The following PIK3CG variants were observed in gnomAD, a reference collection of about 807,000 sequenced individuals.
PIK3CG encodes the protein phosphatidylinositol 4,5-bisphosphate 3-kinase catalytic subunit gamma isoform.
A neutral mutation model predicts 102.3 loss-of-function variants in PIK3CG; 55 were observed. The observed-to-expected ratio is 0.54, with a 90% CI of 0.43 to 0.67. PIK3CG has a LOEUF of 0.67. Ranked by LOEUF, PIK3CG falls within the 30% of genes least tolerant of loss-of-function variation. PIK3CG has a pLI of 0.00. For synonymous variants in PIK3CG, 552 were observed against 540.0 expected (o/e 1.02, Z -0.31); for missense variants, 1,258 against 1,391.8 (o/e 0.90, Z 1.53).
Position 106,879,456 on chromosome 7 carries a change from T to C in PIK3CG, c.2392-63T>C. On this transcript the variant is annotated intron_variant, in intron 5 of 10. Coordinates refer to ENST00000496166, the MANE Select transcript of PIK3CG (RefSeq NM_001282426.2). This position sits in a 1 kb window ranked among gnomAD's most constrained non-coding sequence, Gnocchi z 4.9. ...TAGTGATGTTTTGCAAGAGAATTTG[T>C]GTCTCCACCATGTATATTCGTTATT... 3.1e-6 allele frequency: 4 copies of C among 1,295,342 alleles called. No individual in the cohort carries two copies. The highest frequency in any genetic ancestry group is 4.5e-6 in the Non-Finnish European group (4 of 896,398). 80.2% of individuals were successfully genotyped at this position (1,295,342 alleles called of 1,614,324 possible). A position where few individuals can be genotyped will look rare whatever the true frequency, so the allele number is the denominator to read the frequency against.
intron 5 of PIK3CG, among the ~76,000 whole-genome samples, chr7:106,876,761 C>T (rs1790760648): frequency 6.6e-6 from 1 of 152,098 alleles, no homozygotes. Context: ...ATCAGATATA[C>T]ATTTTACAGA....
At chr7:106,887,820 C>A (rs894458033) in intron 10 of PIK3CG, among the ~76,000 whole-genome samples, 2 of 152,020 alleles carry the variant, frequency 1.3e-5, no homozygotes, top group Admixed American at 6.6e-5. Context: ...TGTCTTCTCT[C>A]CTGTCAGCGG....
Position 106,890,568 on chromosome 7 carries a change from A to T in PIK3CG, c.3030+4276A>T, listed in dbSNP as rs931854570. 6.6e-6 allele frequency among the ~76,000 whole-genome samples: 1 copy of T among 152,262 alleles called. No homozygotes were observed. Among genetic ancestry groups the T allele is most frequent in the African/African-American group, 2.4e-5 (1 of 41,472 alleles). ...AGCAAAATATTGAAAATACCAAAAGACATAAAAATTCATTATCCTGCTTTC... is the reference window on the plus strand; with the variant it reads ...AGCAAAATATTGAAAATACCAAAAGTCATAAAAATTCATTATCCTGCTTTC... On this transcript the variant is annotated intron_variant, in intron 10 of 10. Transcript: ENST00000496166. The surrounding 1 kb of genome is among the most constrained non-coding windows in gnomAD (Gnocchi z 4.2).
intron 10 of PIK3CG, among the ~76,000 whole-genome samples, chr7:106,901,533 G>A (rs1401278190): frequency 6.6e-6 from 1 of 152,046 alleles, no homozygotes; most frequent in Non-Finnish European, 1.5e-5. Context: ...CTTTGTTCCT[G>A]TCCATATTCT....
chr7:106,872,968 T>C lies in PIK3CG; in HGVS notation c.2287+30T>C, dbSNP rs1163556088. ...GGTGGCTATATTTTCTGTGTTCTCTTTCCAAATGCCTTCATCTCCAAATGC... is the reference window on the plus strand; with the variant it reads ...GGTGGCTATATTTTCTGTGTTCTCTCTCCAAATGCCTTCATCTCCAAATGC... On this transcript the variant is annotated intron_variant, in intron 4 of 10. Transcript: ENST00000496166. This position sits in a 1 kb window ranked among gnomAD's most constrained non-coding sequence, Gnocchi z 5.3. The C allele has an allele frequency of 6.9e-7, 1 of 1,444,280 alleles. No individual in the cohort carries two copies. Among genetic ancestry groups the C allele is most frequent in the Non-Finnish European group, 9.7e-7 (1 of 1,026,668 alleles). The allele number at this position is 1,444,280 out of a possible 1,614,324, so 89.5% of individuals were successfully genotyped here.
chr7:106,869,635 G>T lies in PIK3CG; in HGVS notation c.1995+79G>T. On this transcript the variant is annotated intron_variant, in intron 2 of 10. Transcript: ENST00000496166. This position sits in a 1 kb window ranked among gnomAD's most constrained non-coding sequence, Gnocchi z 5.3. The stretch of plus-strand genomic sequence containing the variant: ...ATATGCACAGGCACTCCATTCAGTT[G>T]TCATCAAATGCCCTTTGTTCAGAGC... The T allele has an allele frequency of 8.7e-7, 1 of 1,155,390 alleles. No individual in the cohort carries two copies. The highest frequency in any genetic ancestry group is 1.2e-6 in the Non-Finnish European group (1 of 825,202). 71.6% of individuals were successfully genotyped at this position (1,155,390 alleles called of 1,614,324 possible). A position where few individuals can be genotyped will look rare whatever the true frequency, so the allele number is the denominator to read the frequency against.
chr7:106,887,948 T>C (rs1259074043), intron 10 of PIK3CG, among the ~76,000 whole-genome samples: 1 of 139,220 alleles, frequency 7.2e-6, no homozygotes, highest in Non-Finnish European at 1.6e-5. Flanking sequence ...TTTTTTTTTT[T>C]TTTTTTTTTT....
chr7:106,875,925 T>TTTTTGGCG (rs1790719794), intron 5 of PIK3CG, among the ~76,000 whole-genome samples: 1 of 149,312 alleles, frequency 6.7e-6, no homozygotes. Flanking sequence ...TTTTTTTTTT[T>TTTTTGGCG]GAGACGGAGT....
At position 106,906,588 on chromosome 7, in the gene PIK3CG, C is replaced by A. The variant is rs897915549; in HGVS notation, c.*1201C>A. 5.2e-5 allele frequency: 12 copies of A among 229,262 alleles called. No individual in the cohort carries two copies. The highest frequency in any genetic ancestry group is 1.3e-3 in the Middle Eastern group (1 of 784). 14.2% of individuals were successfully genotyped at this position (229,262 alleles called of 1,614,324 possible). A position where few individuals can be genotyped will look rare whatever the true frequency, so the allele number is the denominator to read the frequency against. On this transcript the variant is annotated 3_prime_UTR_variant, in exon 11 of 11. Transcript: ENST00000496166. ...GATTTCCTGAAAATAATTGAAATAT[C>A]TTACTTTAAAAATATTTTCATCTCT...
chr7:106,880,247 T>C lies in PIK3CG; in HGVS notation c.2538+582T>C, dbSNP rs942386903. Among the ~76,000 whole-genome samples the C allele has an allele frequency of 1.3e-5, 2 of 152,252 alleles. No individual in the cohort carries two copies. Among genetic ancestry groups the C allele is most frequent in the African/African-American group, 4.8e-5 (2 of 41,470 alleles). ...TAGATAAACTTTAGCTTCACAAGTCTGTAAAGTAATATTCTCCAGATTCTA... is the reference window on the plus strand; with the variant it reads ...TAGATAAACTTTAGCTTCACAAGTCCGTAAAGTAATATTCTCCAGATTCTA... On this transcript the variant is annotated intron_variant, in intron 6 of 10. Transcript: ENST00000496166. This position sits in a 1 kb window ranked among gnomAD's most constrained non-coding sequence, Gnocchi z 4.2.
Position 106,872,794 on chromosome 7 carries a change from G to C in PIK3CG, c.2143G>C (p.Val715Leu), listed in dbSNP as rs1274418045. 8 of 1,614,188 alleles carry C rather than the reference G, an allele frequency of 5.0e-6. No homozygotes were observed. In the Admixed American group the frequency reaches 1.2e-4, roughly 24 times the overall value. Residue 715 changes from valine to leucine, a missense_variant, in exon 4 of 11, where the codon GTG becomes CTG. By Grantham distance (32) the Val-to-Leu change is conservative. Transcript: ENST00000496166. This position sits in a 1 kb window ranked among gnomAD's most constrained non-coding sequence, Gnocchi z 5.3. ...CAGACACTATCAGCAGAGGTTCGCT[G>C]TGATTCTGGAAGCCTATCTGAGGGG... ...QSRHYQQRFA[V>L]ILEAYLRGCG...
At position 106,874,821 on chromosome 7, in the gene PIK3CG, G is replaced by C. The variant is rs1437155201; in HGVS notation, c.2391+18G>C. 1.4e-6 allele frequency: 2 copies of C among 1,476,558 alleles called. No homozygotes were observed. The highest frequency in any genetic ancestry group is 1.1e-5 in the South Asian group (1 of 88,048). 91.5% of individuals were successfully genotyped at this position (1,476,558 alleles called of 1,614,324 possible). A position where few individuals can be genotyped will look rare whatever the true frequency, so the allele number is the denominator to read the frequency against. Reference sequence around the variant, plus strand: ...CGCTGGCAGTAGGTATCACTTGGATGTCTCCATGTGGTCTTTATGTCTTGA... The same window carrying C: ...CGCTGGCAGTAGGTATCACTTGGATCTCTCCATGTGGTCTTTATGTCTTGA... On this transcript the variant is annotated intron_variant, in intron 5 of 10. Coordinates refer to ENST00000496166, the MANE Select transcript of PIK3CG (RefSeq NM_001282426.2). The surrounding 1 kb of genome is among the most constrained non-coding windows in gnomAD (Gnocchi z 4.3).
intron 1 of PIK3CG, chr7:106,865,849 CT>C (rs1790261938): frequency 6.6e-6 from 1 of 152,142 alleles, no homozygotes; most frequent in Non-Finnish European, 1.5e-5. Context: ...GAAGTTATTG[CT>C]GTGTATTTAT....
At chr7:106,878,168 T>C (rs1364204791) in intron 5 of PIK3CG, among the ~76,000 whole-genome samples, 3 of 152,236 alleles carry the variant, frequency 2.0e-5, no homozygotes, top group Non-Finnish European at 4.4e-5. Flanking sequence ...GAATTCTAGA[T>C]TGACTGGTTT....
rs28763992 is a variant in PIK3CG at position 106,884,301 on chromosome 7, T to C, written c.2872+35T>C. Reference sequence around the variant, plus strand: ...TTTAGTGCAGAATAAACTTTTATTGTGGTAAAATATATATAACATAACATT... The same window carrying C: ...TTTAGTGCAGAATAAACTTTTATTGCGGTAAAATATATATAACATAACATT... On this transcript the variant is annotated intron_variant, in intron 9 of 10. Transcript: ENST00000496166. This position sits in a 1 kb window ranked among gnomAD's most constrained non-coding sequence, Gnocchi z 4.2. The C allele has an allele frequency of 1.3e-4, 165 of 1,290,616 alleles. 1 individual carries two copies. In the East Asian group the frequency reaches 3.4e-3, roughly 26 times the overall value. 79.9% of individuals were successfully genotyped at this position (1,290,616 alleles called of 1,614,324 possible).
intron 10 of PIK3CG, among the ~76,000 whole-genome samples, chr7:106,889,630 G>T (rs946500273): frequency 6.6e-6 from 1 of 152,200 alleles, no homozygotes; most frequent in Non-Finnish European, 1.5e-5. Context: ...TGAATAACCT[G>T]TTAGGAACAA....
In PIK3CG at chr7:106,868,571, A is replaced by C. The variant is rs768174679; in HGVS notation, c.1010A>C (p.Glu337Ala). ...DDCTGVTGYH[E>A]QLTIHGKDHE... Reference sequence around the variant, plus strand: ...TGCACGGGAGTCACCGGCTACCATGAGCAGCTTACCATCCACGGCAAGGAC... The same window carrying C: ...TGCACGGGAGTCACCGGCTACCATGCGCAGCTTACCATCCACGGCAAGGAC... The change falls in exon 2 of 11, where the codon GAG becomes GCG. Residue 337 changes from glutamate (E) to alanine (A), a missense_variant. Transcript: ENST00000496166. The surrounding 1 kb of genome is among the most constrained non-coding windows in gnomAD (Gnocchi z 6.2). 1.7e-5 allele frequency: 28 copies of C among 1,614,056 alleles called. No homozygotes were observed. The South Asian group carries it at 3.1e-4, about 18-fold the overall frequency.
rs1000309944 is a variant in PIK3CG, at chr7:106,872,203, T to C, written c.1996-334T>C. On this transcript the variant is annotated intron_variant, in intron 2 of 10. Transcript: ENST00000496166. The surrounding 1 kb of genome is among the most constrained non-coding windows in gnomAD (Gnocchi z 5.3). ...GGTTACAGTGTCTCCATCTTCCCCC[T>C]CTACCCCTCCAACAAAACCAGTAAG... 1.3e-5 allele frequency among the ~76,000 whole-genome samples: 2 copies of C among 152,178 alleles called. No individual in the cohort carries two copies. The highest frequency in any genetic ancestry group is 2.9e-5 in the Non-Finnish European group (2 of 68,030).
chr7:106,884,073 TTC>T lies in PIK3CG; in HGVS notation c.2761-78_2761-77del. The T allele has an allele frequency of 9.3e-7, 1 of 1,073,008 alleles. No homozygotes were observed. The highest frequency in any genetic ancestry group is 1.9e-5 in the Admixed American group (1 of 53,068). 66.5% of individuals were successfully genotyped at this position (1,073,008 alleles called of 1,614,324 possible). ...CTCTCTGAAAATGGTTTCCAGAATA[TTC>T]TCTTTTTAGAAGTCATTTGTAGATT... On this transcript the variant is annotated intron_variant, in intron 8 of 10. Transcript: ENST00000496166. The surrounding 1 kb of genome is among the most constrained non-coding windows in gnomAD (Gnocchi z 4.2).
Sources: allele counts gnomAD v4.1 joint callset (sites outside exome capture counted in the v4.1 genomes callset), GRCh38; gene constraint gnomAD v4.1.1; non-coding constraint Gnocchi (gnomAD v3.1); transcripts MANE v1.5; gene names NCBI Gene and HGNC (gene_info 2026-07-23, HGNC 2026-07-21).